The following COL22A1 variants were observed in gnomAD, a reference collection of about 807,000 sequenced individuals.
COL22A1 encodes collagen type XXII alpha 1 chain.
COL22A1 carries 221 observed loss-of-function variants against 248.9 expected under a neutral mutation model. That is an observed-to-expected ratio of 0.89 (90% CI 0.80 to 0.99). The LOEUF (loss-of-function observed/expected upper bound fraction) is 0.99, where lower values mean the gene tolerates loss of function less well. Among genes scored for constraint, COL22A1 ranks in the 50% least tolerant of loss-of-function variants. The pLI is 0.00. For synonymous variants in COL22A1, 891 were observed against 793.4 expected, an observed-to-expected ratio of 1.12 and a Z score of -2.07; for missense variants, 2,240 against 2,179.0, an observed-to-expected ratio of 1.03 and a Z score of -0.56.
intron 1 of COL22A1, among the ~76,000 whole-genome samples, chr8:138,899,082 C>G (rs1231166185): frequency 6.6e-6 from 1 of 152,174 alleles, no homozygotes; most frequent in Non-Finnish European, 1.5e-5. Context: ...CCATATGTTA[C>G]TCCTTATTCT....
chr8:138,822,065 G>T, intron 6 of COL22A1, among the ~76,000 whole-genome samples: 1 of 112,266 alleles, frequency 8.9e-6, no homozygotes, highest in East Asian at 2.5e-4. Context: ...TTTGTTTTGA[G>T]ATGGAGTCTC....
chr8:138,600,630 CA>C (rs940130929), intron 60 of COL22A1, among the ~76,000 whole-genome samples: 1 of 152,172 alleles, frequency 6.6e-6, no homozygotes, highest in Non-Finnish European at 1.5e-5. Flanking sequence ...GGAAGGGGCA[CA>C]AAGTTTTCAT....
intron 21 of COL22A1, among the ~76,000 whole-genome samples, chr8:138,752,728 G>A (rs768275147): frequency 6.6e-6 from 1 of 152,142 alleles, no homozygotes; most frequent in Non-Finnish European, 1.5e-5. Flanking sequence ...TTTCCATTTC[G>A]AGAATGGGAT....
At chr8:138,715,544 G>T in intron 30 of COL22A1, 138 bp downstream of exon 30, 1 of 629,110 alleles carries the variant, frequency 1.6e-6, no homozygotes, top group Middle Eastern at 3.5e-4. Flanking sequence ...ACTCCCGCTT[G>T]GATGACAGAG....
intron 30 of COL22A1, among the ~76,000 whole-genome samples, chr8:138,709,890 T>C (rs11166837): frequency 0.83 from 126,001 of 152,160 alleles, 52,300 homozygotes; most frequent in East Asian, 0.91. Flanking sequence ...TTACAGCAAA[T>C]ATCCTCACAC....
At chr8:138,692,003 T>G (rs1827019548) in intron 35 of COL22A1, among the ~76,000 whole-genome samples, 1 of 145,920 alleles carries the variant, frequency 6.9e-6, no homozygotes, top group Non-Finnish European at 1.5e-5. Flanking sequence ...CGTGCATGTG[T>G]GCATGTTTCT....
intron 12 of COL22A1, among the ~76,000 whole-genome samples, chr8:138,795,973 T>C (rs541437322): frequency 3.3e-5 from 5 of 152,296 alleles, no homozygotes; most frequent in African/African-American, 1.2e-4. Context: ...AACAGCACTA[T>C]GTTTTGAGTC....
intron 11 of COL22A1, among the ~76,000 whole-genome samples, chr8:138,799,574 T>C (rs1362996620): frequency 6.6e-6 from 1 of 152,204 alleles, no homozygotes; most frequent in Non-Finnish European, 1.5e-5. Context: ...TCAGAGGGCA[T>C]GGCCTTGGAC....
chr8:138,865,689 G>A (rs1291685045), intron 3 of COL22A1, among the ~76,000 whole-genome samples: 1 of 150,916 alleles, frequency 6.6e-6, no homozygotes, highest in African/African-American at 2.4e-5. Flanking sequence ...GTGTATGTGT[G>A]TATATGTTTG....
chr8:138,775,970 TCTC>T lies in COL22A1; in HGVS notation c.1796_1798del (p.Gly599del). The T allele has an allele frequency of 6.2e-7, 1 of 1,614,080 alleles. No individual in the cohort carries two copies. Among genetic ancestry groups the T allele is most frequent in the South Asian group, 1.1e-5 (1 of 91,062 alleles). Reference sequence around the variant, plus strand: ...ATGAGTGCAGACTATAAATACCTTTTCTCCTCGAGTTCCCTTTTCACCTCGTTC... The same window carrying T: ...ATGAGTGCAGACTATAAATACCTTTTCTCGAGTTCCCTTTTCACCTCGTTC... On this transcript the variant is annotated inframe_deletion, in exon 16 of 65. Transcript: ENST00000303045.
intron 11 of COL22A1, among the ~76,000 whole-genome samples, chr8:138,800,371 A>G (rs2131619632): frequency 6.6e-6 from 1 of 152,336 alleles, no homozygotes; most frequent in African/African-American, 2.4e-5. Context: ...GGAACTCCAG[A>G]CGCAGGAGGT....
At chr8:138,797,898 A>G (rs1415331588) in intron 11 of COL22A1, among the ~76,000 whole-genome samples, 1 of 151,972 alleles carries the variant, frequency 6.6e-6, no homozygotes, top group Admixed American at 6.5e-5. Context: ...ATAATTTTTT[A>G]TTATAAAATG....
chr8:138,818,446 G>A (rs1389643801), intron 7 of COL22A1, among the ~76,000 whole-genome samples: 1 of 152,218 alleles, frequency 6.6e-6, no homozygotes, highest in Non-Finnish European at 1.5e-5. Context: ...AGATAACAGT[G>A]ATCCTTATTG....
At chr8:138,699,769 C>G (rs1235457817) in intron 32 of COL22A1, among the ~76,000 whole-genome samples, 3 of 152,238 alleles carry the variant, frequency 2.0e-5, no homozygotes, top group Non-Finnish European at 2.9e-5. Context: ...CTCTCTGACT[C>G]TCATGTTCTG....
chr8:138,660,987 TACACACATACAC>T (rs1564158865), intron 43 of COL22A1, among the ~76,000 whole-genome samples: 2 of 42,378 alleles, frequency 4.7e-5, no homozygotes, highest in Non-Finnish European at 1.5e-4. Context: ...CACACACACA[TACACACATACAC>T]ATACACAGAC....
At chr8:138,676,807 A>G (rs62527900) in intron 40 of COL22A1, among the ~76,000 whole-genome samples, 172 bp from the exon 41 acceptor site, 35,628 of 152,034 alleles carry the variant, frequency 0.23, 4,530 homozygotes, top group African/African-American at 0.33. Flanking sequence ...ACTCAGCCCA[A>G]TATTCAGGGA....
chr8:138,788,753 A>G (rs1465514067), intron 12 of COL22A1, among the ~76,000 whole-genome samples: 1 of 152,208 alleles, frequency 6.6e-6, no homozygotes, highest in African/African-American at 2.4e-5. Flanking sequence ...AAAAAAATGG[A>G]ACACTATGCT....
intron 16 of COL22A1, among the ~76,000 whole-genome samples, chr8:138,766,359 C>A (rs2131423290): frequency 6.6e-6 from 1 of 151,818 alleles, no homozygotes; most frequent in African/African-American, 2.4e-5. Flanking sequence ...GGCTGCGGGC[C>A]TGATGGATGC....
At chr8:138,613,766 T>C in intron 56 of COL22A1, 101 bp downstream of exon 56, 1 of 1,113,404 alleles carries the variant, frequency 9.0e-7, no homozygotes, top group Non-Finnish European at 1.4e-6. Flanking sequence ...TACAATTTTT[T>C]AACAATATAT....
Sources: allele counts gnomAD v4.1 joint callset (sites outside exome capture counted in the v4.1 genomes callset), GRCh38; gene constraint gnomAD v4.1.1; transcripts MANE v1.5; gene names NCBI Gene and HGNC (gene_info 2026-07-23, HGNC 2026-07-21).